Variants in PRKG1 observed in about 807,000 individuals in gnomAD.
The protein encoded by PRKG1 is cGMP-dependent protein kinase 1.
Under a neutral mutation model 88.1 loss-of-function variants are expected in PRKG1, and 35 were observed. The ratio of observed to expected loss-of-function variants is 0.40; its 90% CI spans 0.30 to 0.53. The LOEUF is 0.53. Ranked by LOEUF, PRKG1 falls within the 20% of genes least tolerant of loss-of-function variation. PRKG1 has a pLI of 0.59. For synonymous variants in PRKG1, 303 were observed against 292.5 expected, an observed-to-expected ratio of 1.04 and a Z score of -0.37; for missense variants, 540 against 839.8, an observed-to-expected ratio of 0.64 and a Z score of 4.41.
intron 3 of PRKG1, among the ~76,000 whole-genome samples, chr10:51,567,726 A>G (rs983584930): frequency 2.0e-5 from 3 of 152,006 alleles, no homozygotes; most frequent in Non-Finnish European, 2.9e-5. Context: ...AGCTGAAACT[A>G]CTGGCCTGCA....
At chr10:52,293,553 A>G (rs542325934) in intron 17 of PRKG1, among the ~76,000 whole-genome samples, 1 of 152,280 alleles carries the variant, frequency 6.6e-6, no homozygotes, top group South Asian at 2.1e-4. Context: ...GCCAAAGTTT[A>G]TTATATAGAA....
chr10:51,678,069 G>A (rs1490475244), intron 3 of PRKG1, among the ~76,000 whole-genome samples: 7 of 152,122 alleles, frequency 4.6e-5, no homozygotes, highest in African/African-American at 1.2e-4. Context: ...CACTTGATAA[G>A]CCATTAATTA....
At chr10:51,115,332 A>G (rs1355320372) in intron 1 of PRKG1, among the ~76,000 whole-genome samples, 3 of 102,400 alleles carry the variant, frequency 2.9e-5, no homozygotes, top group Admixed American at 1.2e-4. Flanking sequence ...GGGAGGGAAG[A>G]TTTAAAGAAG....
intron 3 of PRKG1, among the ~76,000 whole-genome samples, chr10:51,765,060 T>C (rs531448640): frequency 1.3e-5 from 2 of 152,346 alleles, no homozygotes; most frequent in East Asian, 3.9e-4. Flanking sequence ...TATTTGGTTA[T>C]AGCAGCTCAC....
chr10:52,161,651 A>G (rs1276016783), intron 8 of PRKG1, among the ~76,000 whole-genome samples: 1 of 152,076 alleles, frequency 6.6e-6, no homozygotes, highest in Non-Finnish European at 1.5e-5. Flanking sequence ...TGGTTGCCAG[A>G]TTTGTTTATG....
At chr10:51,246,162 C>T (rs1311396038) in intron 2 of PRKG1, among the ~76,000 whole-genome samples, 2 of 152,126 alleles carry the variant, frequency 1.3e-5, no homozygotes, top group African/African-American at 4.8e-5. Flanking sequence ...GATGGACTGA[C>T]TTTCTCTGAC....
At chr10:52,270,675 A>T (rs934874300) in intron 10 of PRKG1, among the ~76,000 whole-genome samples, 1 of 143,850 alleles carries the variant, frequency 7.0e-6, no homozygotes, top group Non-Finnish European at 1.5e-5. Context: ...AACAATGAGA[A>T]CACATGGACA....
chr10:51,767,826 A>G (rs1838206750), intron 3 of PRKG1, among the ~76,000 whole-genome samples: 1 of 152,120 alleles, frequency 6.6e-6, no homozygotes, highest in Non-Finnish European at 1.5e-5. Context: ...CAGCAGTGGT[A>G]TGTTTGCCTG....
chr10:52,161,210 T>C (rs1163009468), intron 8 of PRKG1, among the ~76,000 whole-genome samples: 7 of 152,088 alleles, frequency 4.6e-5, no homozygotes, highest in Admixed American at 2.0e-4. Flanking sequence ...TGCTTCACTA[T>C]AGAAGTCTGA....
intron 3 of PRKG1, among the ~76,000 whole-genome samples, chr10:51,794,814 G>A (rs1323131155): frequency 6.6e-6 from 1 of 151,926 alleles, no homozygotes; most frequent in Non-Finnish European, 1.5e-5. Context: ...ACACATATTA[G>A]TAAAACAAGC....
At chr10:51,576,815 A>AT (rs917037479) in intron 3 of PRKG1, among the ~76,000 whole-genome samples, 7 of 151,784 alleles carry the variant, frequency 4.6e-5, no homozygotes, top group African/African-American at 7.3e-5. Context: ...TGTGATAGTA[A>AT]TTTTTTTCAT....
intron 2 of PRKG1, among the ~76,000 whole-genome samples, chr10:51,213,366 A>G (rs1323306810): frequency 6.6e-6 from 1 of 152,244 alleles, no homozygotes; most frequent in Non-Finnish European, 1.5e-5. Context: ...ACCTAATGCT[A>G]AATGACCAGT....
intron 5 of PRKG1, among the ~76,000 whole-genome samples, chr10:51,984,037 C>T (rs1334008742): frequency 6.6e-6 from 1 of 152,170 alleles, no homozygotes; most frequent in Non-Finnish European, 1.5e-5. Flanking sequence ...AACTCACAGT[C>T]ACTTACGTTA....
intron 1 of PRKG1, among the ~76,000 whole-genome samples, chr10:51,057,646 G>C (rs768483298): frequency 1.7e-4 from 26 of 152,026 alleles, no homozygotes; most frequent in Non-Finnish European, 3.4e-4. Context: ...TTTATGTCTG[G>C]TGTATTTTGC....
chr10:51,327,260 C>A (rs369218230), intron 2 of PRKG1, among the ~76,000 whole-genome samples: 2 of 151,588 alleles, frequency 1.3e-5, no homozygotes, highest in Non-Finnish European at 2.9e-5. Context: ...ACTGAAAATA[C>A]GAAAAAGTTA....
intron 4 of PRKG1, among the ~76,000 whole-genome samples, chr10:51,841,489 AGGTGAAATTTCAG>A (rs1044145725): frequency 6.6e-6 from 1 of 152,190 alleles, no homozygotes; most frequent in Non-Finnish European, 1.5e-5. Flanking sequence ...TTTCAGGAGG[AGGTGAAATTTCAG>A]GTCAGTCTTG....
intron 3 of PRKG1, among the ~76,000 whole-genome samples, chr10:51,712,779 C>T (rs906676449): frequency 2.6e-5 from 4 of 151,536 alleles, no homozygotes; most frequent in Non-Finnish European, 5.9e-5. Flanking sequence ...TTAGTAGAGA[C>T]GGGGTTTCAC....
chr10:51,965,433 C>T (rs1843544683), intron 5 of PRKG1, among the ~76,000 whole-genome samples: 1 of 152,166 alleles, frequency 6.6e-6, no homozygotes, highest in African/African-American at 2.4e-5. Context: ...TTATGGAAAG[C>T]TCAAATTGTA....
rs1057116294 is a variant in PRKG1, at chr10:52,163,085, G to T, written c.1076+1122G>T. 3.8e-4 allele frequency among the ~76,000 whole-genome samples: 58 copies of T among 151,772 alleles called. 1 individual carries two copies. The highest frequency in any genetic ancestry group is 1.3e-3 in the African/African-American group (52 of 41,444). ...ATAATCCCACCGAGGTGGGAAAGGG[G>T]GTCATTTAAGGTACCTTATCAGTTT... On this transcript the variant is annotated intron_variant, in intron 9 of 17. Coordinates refer to ENST00000373980, the MANE Select transcript of PRKG1 (RefSeq NM_006258.4).
Sources: gnomAD v4.1 joint callset for allele counts (sites outside exome capture counted in the v4.1 genomes callset) on GRCh38, gnomAD v4.1.1 for gene constraint, MANE v1.5 for transcripts, NCBI Gene and HGNC (gene_info 2026-07-23, HGNC 2026-07-21) for gene names.